DLGAP2: variants seen among roughly 807,000 people sequenced by gnomAD.
DLGAP2 encodes the protein DLG associated protein 2, also known as disks large-associated protein 2.
Under a neutral mutation model 100.3 loss-of-function variants are expected in DLGAP2, and 26 were observed. That is an observed-to-expected ratio of 0.26 (90% CI 0.19 to 0.36). The LOEUF is 0.36. Ranked by LOEUF, DLGAP2 falls within the 10% of genes least tolerant of loss-of-function variation. The pLI is 1.00. For missense variants in DLGAP2, 1,858 were observed against 1,453.2 expected, an observed-to-expected ratio of 1.28 and a Z score of -4.53; for synonymous variants, 886 against 630.1, an observed-to-expected ratio of 1.41 and a Z score of -6.08.
In DLGAP2 at chr8:1,188,345, A is replaced by G. The variant is rs373785007; in HGVS notation, c.74-70506A>G. Among the ~76,000 whole-genome samples, 65 of 65,796 alleles carry G rather than the reference A, an allele frequency of 9.9e-4. 1 individual carries two copies. Among genetic ancestry groups the G allele is most frequent in the African/African-American group, 2.5e-3 (35 of 13,874 alleles). The allele number at this position is 65,796 out of a possible 152,430, so 43.2% of individuals were successfully genotyped here. ...ACGTTTCCCTCACGGAATCTCACAC[A>G]CCCGGGACCTCCGTGACGTTTGCCT... On this transcript the variant is annotated intron_variant, in intron 2 of 14. Coordinates refer to ENST00000637795, the MANE Select transcript of DLGAP2 (RefSeq NM_001346810.2).
intron 1 of DLGAP2, among the ~76,000 whole-genome samples, chr8:781,814 G>C (rs1319931895): frequency 6.6e-6 from 1 of 152,072 alleles, no homozygotes; most frequent in African/African-American, 2.4e-5. Flanking sequence ...GAGTTTTTTT[G>C]CAACAACAAT....
At chr8:1,429,997 CATATAT>C (rs1361890198) in intron 3 of DLGAP2, among the ~76,000 whole-genome samples, 1 of 19,652 alleles carries the variant, frequency 5.1e-5, no homozygotes, top group Non-Finnish European at 1.2e-4. Context: ...GGGAGAGATG[CATATAT>C]ATACATATAT....
intron 4 of DLGAP2, among the ~76,000 whole-genome samples, chr8:1,523,910 G>A (rs1800701206): frequency 6.6e-6 from 1 of 152,166 alleles, no homozygotes; most frequent in African/African-American, 2.4e-5. Context: ...AAAGTTCAGG[G>A]CCTGAGATAA....
chr8:794,089 G>A (rs1795977343), intron 1 of DLGAP2, among the ~76,000 whole-genome samples: 1 of 151,754 alleles, frequency 6.6e-6, no homozygotes, highest in African/African-American at 2.4e-5. Context: ...CGTAGGGAGT[G>A]TTTCTAGCTG....
intron 2 of DLGAP2, among the ~76,000 whole-genome samples, chr8:993,895 A>T (rs1482353757): frequency 2.1e-5 from 3 of 145,070 alleles, no homozygotes; most frequent in Non-Finnish European, 4.5e-5. Flanking sequence ...CGTTTCAGCT[A>T]CTTAGAGGCT....
At chr8:1,189,855 GGC>G (rs1797596063) in intron 2 of DLGAP2, among the ~76,000 whole-genome samples, 1 of 152,212 alleles carries the variant, frequency 6.6e-6, no homozygotes, top group African/African-American at 2.4e-5. Context: ...GCAGGCAGGA[GGC>G]GGAGATTAAG....
chr8:1,007,180 G>A (rs993823864), intron 2 of DLGAP2, among the ~76,000 whole-genome samples: 2 of 152,174 alleles, frequency 1.3e-5, no homozygotes, highest in Non-Finnish European at 2.9e-5. Flanking sequence ...CTCGGGATGT[G>A]GTCCTTTATC....
intron 1 of DLGAP2, among the ~76,000 whole-genome samples, chr8:884,325 T>C (rs1197961142): frequency 6.6e-6 from 1 of 152,220 alleles, no homozygotes; most frequent in Non-Finnish European, 1.5e-5. Context: ...TTTTTAATAA[T>C]TGCCATTCTG....
chr8:743,874 T>C (rs980076134), intron 1 of DLGAP2, among the ~76,000 whole-genome samples: 1 of 152,260 alleles, frequency 6.6e-6, no homozygotes, highest in Non-Finnish European at 1.5e-5. Flanking sequence ...CTTTTGCTGG[T>C]ATTTGCATGT....
At chr8:1,420,731 A>G (rs1797067088) in intron 3 of DLGAP2, among the ~76,000 whole-genome samples, 1 of 151,724 alleles carries the variant, frequency 6.6e-6, no homozygotes, top group Admixed American at 6.6e-5. Flanking sequence ...AATCTATCAC[A>G]TAACTCAGCT....
At chr8:1,013,400 T>A (rs535596498) in intron 2 of DLGAP2, among the ~76,000 whole-genome samples, 1 of 152,178 alleles carries the variant, frequency 6.6e-6, no homozygotes, top group South Asian at 2.1e-4. Context: ...AGAGCCGGTG[T>A]CCTGACTCTC....
intron 2 of DLGAP2, among the ~76,000 whole-genome samples, chr8:1,210,862 C>G (rs1174986743): frequency 6.6e-6 from 1 of 152,200 alleles, no homozygotes; most frequent in Non-Finnish European, 1.5e-5. Flanking sequence ...GTAGTTCCCC[C>G]TCCCTCCCAG....
At chr8:1,487,154 A>C (rs2130266888) in intron 3 of DLGAP2, among the ~76,000 whole-genome samples, 1 of 152,384 alleles carries the variant, frequency 6.6e-6, no homozygotes, top group South Asian at 2.1e-4. Flanking sequence ...CATGTGATGT[A>C]TTTAAAACAA....
At chr8:1,368,317 G>C (rs945800219) in intron 3 of DLGAP2, among the ~76,000 whole-genome samples, 1 of 151,722 alleles carries the variant, frequency 6.6e-6, no homozygotes, top group African/African-American at 2.4e-5. Context: ...GTGCATAGCT[G>C]TGTGTGTGCA....
intron 2 of DLGAP2, among the ~76,000 whole-genome samples, chr8:989,728 G>C (rs1800599951): frequency 6.6e-6 from 1 of 152,116 alleles, no homozygotes; most frequent in Admixed American, 6.5e-5. Flanking sequence ...TTAAAATTTT[G>C]AAATTGGCTT....
chr8:825,853 A>G (rs148927477), intron 1 of DLGAP2, among the ~76,000 whole-genome samples: 47 of 152,326 alleles, frequency 3.1e-4, no homozygotes, highest in Non-Finnish European at 5.4e-4. Context: ...TACACAATCA[A>G]TTATACTCTT....
At chr8:1,153,541 C>T (rs554337353) in intron 2 of DLGAP2, among the ~76,000 whole-genome samples, 3 of 152,218 alleles carry the variant, frequency 2.0e-5, no homozygotes, top group African/African-American at 4.8e-5. Context: ...ATATGGTGCC[C>T]ACCGAGTTAA....
chr8:1,513,597 T>C (rs989941840), intron 4 of DLGAP2, among the ~76,000 whole-genome samples: 1 of 152,214 alleles, frequency 6.6e-6, no homozygotes, highest in Non-Finnish European at 1.5e-5. Flanking sequence ...GCATTGAATT[T>C]CTAACCTAAA....
chr8:1,503,794 C>G (rs1289746299), intron 4 of DLGAP2, among the ~76,000 whole-genome samples: 1 of 152,060 alleles, frequency 6.6e-6, no homozygotes, highest in Non-Finnish European at 1.5e-5. Flanking sequence ...GTTAGAAGCT[C>G]TGGAAAGAAG....
Sources: allele counts gnomAD v4.1 joint callset (sites outside exome capture counted in the v4.1 genomes callset), GRCh38; gene constraint gnomAD v4.1.1; transcripts MANE v1.5; gene names NCBI Gene and HGNC (gene_info 2026-07-23, HGNC 2026-07-21).